Variants in TFAP2C observed in about 807,000 individuals in gnomAD.
The protein encoded by TFAP2C is activating enhancer-binding protein 2 gamma.
Under a neutral mutation model 42.9 loss-of-function variants are expected in TFAP2C, and 9 were observed. The observed-to-expected ratio is 0.21, with a 90% CI of 0.13 to 0.37. The LOEUF (loss-of-function observed/expected upper bound fraction) is 0.37. TFAP2C is among the 10% of genes least tolerant of loss of function. TFAP2C has a pLI of 1.00. For synonymous variants in TFAP2C, 264 were observed against 256.0 expected, an observed-to-expected ratio of 1.03 and a Z score of -0.30; for missense variants, 462 against 591.7, an observed-to-expected ratio of 0.78 and a Z score of 2.27.
Position 56,638,369 on chromosome 20 carries a change from T to C in TFAP2C, c.*356T>C, listed in dbSNP as rs555988383. ...GCCAACAGACCCACACACTTAGCCA[T>C]TGAAATGTCAAATTGATGTGCCCTA... On this transcript the variant is annotated 3_prime_UTR_variant, in exon 7 of 7. Transcript: ENST00000201031. The C allele has an allele frequency of 2.9e-5, 6 of 203,728 alleles. No homozygotes were observed. In the South Asian group the frequency reaches 3.6e-4, roughly 12 times the overall value. The allele number at this position is 203,728 out of a possible 1,614,324, so 12.6% of individuals were successfully genotyped here. A position where few individuals can be genotyped will look rare whatever the true frequency, so the allele number is the denominator to read the frequency against.
At chr20:56,634,339 A>G in intron 5 of TFAP2C, 71 bp downstream of exon 5, 1 of 1,084,616 alleles carries the variant, frequency 9.2e-7, no homozygotes, top group East Asian at 2.4e-5. Context: ...TTATTGCAGA[A>G]AAACTGGAAA....
Position 56,630,281 on chromosome 20 carries a change from G to T in TFAP2C, c.48+689G>T. The T allele has an allele frequency of 2.9e-6, 1 of 346,498 alleles. No homozygotes were observed. Among genetic ancestry groups the T allele is most frequent in the Non-Finnish European group, 5.9e-6 (1 of 168,898 alleles). 21.5% of individuals were successfully genotyped at this position (346,498 alleles called of 1,614,324 possible). The stretch of plus-strand genomic sequence containing the variant: ...GCGGAGCTCGGGCTACGGACTCGCG[G>T]GAGTTCACTGCGCCTCCGGGCCCTG... On this transcript the variant is annotated intron_variant, in intron 1 of 6. Coordinates refer to ENST00000201031, the MANE Select transcript of TFAP2C (RefSeq NM_003222.4). The surrounding 1 kb of genome is among the most constrained non-coding windows in gnomAD (Gnocchi z 5.1).
In TFAP2C at chr20:56,629,640, G is replaced by C; in HGVS notation, c.48+48G>C. The C allele has an allele frequency of 7.4e-7, 1 of 1,358,144 alleles. No homozygotes were observed. Among genetic ancestry groups the C allele is most frequent in the Non-Finnish European group, 9.5e-7 (1 of 1,049,652 alleles). The allele number at this position is 1,358,144 out of a possible 1,614,324, so 84.1% of individuals were successfully genotyped here. On this transcript the variant is annotated intron_variant, in intron 1 of 6. Coordinates refer to ENST00000201031, the MANE Select transcript of TFAP2C (RefSeq NM_003222.4). The surrounding 1 kb of genome is among the most constrained non-coding windows in gnomAD (Gnocchi z 5.9). ...AGCCCCGCCCCGCCGAGGACAGTCC[G>C]GGAGGCAGGGGCCACTGGACCGAGG... is the stretch of plus-strand genomic sequence containing the variant.
Position 56,631,136 on chromosome 20 carries a change from G to T in TFAP2C, c.49-69G>T. 2.0e-6 allele frequency: 3 copies of T among 1,464,570 alleles called. No homozygotes were observed. The highest frequency in any genetic ancestry group is 1.4e-5 in the South Asian group (1 of 69,864). 90.7% of individuals were successfully genotyped at this position (1,464,570 alleles called of 1,614,324 possible). A position where few individuals can be genotyped will look rare whatever the true frequency, so the allele number is the denominator to read the frequency against. ...CCCGGGGCCCTCTGCGTAGCCCGGCGATGCCGGCCAGTTCGCAGTAGCGGG... is the reference window on the plus strand; with the variant it reads ...CCCGGGGCCCTCTGCGTAGCCCGGCTATGCCGGCCAGTTCGCAGTAGCGGG... On this transcript the variant is annotated intron_variant, in intron 1 of 6. Transcript: ENST00000201031. The surrounding 1 kb of genome is among the most constrained non-coding windows in gnomAD (Gnocchi z 6.1).
chr20:56,638,807 C>CCT lies in TFAP2C; in HGVS notation c.*794_*795insCT, dbSNP rs1252859004. ...AAACTTGAAAAGGGTAGGCACGAAG[C>CCT]AATTTGTTGCTGCTTGTCACCCCCA... On this transcript the variant is annotated 3_prime_UTR_variant, in exon 7 of 7. Transcript: ENST00000201031. 6.6e-6 allele frequency: 1 copy of CCT among 152,350 alleles called. No homozygotes were observed. Among genetic ancestry groups the CCT allele is most frequent in the Non-Finnish European group, 1.5e-5 (1 of 68,022 alleles). The allele number at this position is 152,350 out of a possible 1,614,324, so 9.4% of individuals were successfully genotyped here.
At chr20:56,633,169 C>T (rs1280018217) in intron 3 of TFAP2C, among the ~76,000 whole-genome samples, 184 bp from the exon 4 acceptor site, 2 of 151,984 alleles carry the variant, frequency 1.3e-5, no homozygotes, top group Non-Finnish European at 1.5e-5. Context: ...TGCACTCCAG[C>T]CTGGGCCACA....
At position 56,629,375 on chromosome 20, in the gene TFAP2C, A is replaced by T; in HGVS notation, c.-170A>T. 1 of 479,266 alleles carries T rather than the reference A, an allele frequency of 2.1e-6. No homozygotes were observed. Among genetic ancestry groups the T allele is most frequent in the Non-Finnish European group, 3.4e-6 (1 of 292,306 alleles). The allele number at this position is 479,266 out of a possible 1,614,324, so 29.7% of individuals were successfully genotyped here. A position where few individuals can be genotyped will look rare whatever the true frequency, so the allele number is the denominator to read the frequency against. On this transcript the variant is annotated 5_prime_UTR_variant, in exon 1 of 7. Transcript: ENST00000201031. This position sits in a 1 kb window ranked among gnomAD's most constrained non-coding sequence, Gnocchi z 5.9. ...CTTGACACTCGCGGCGGCAGCATCTACGCTCGCAGAGCCGCCGATGCGTGT... is the reference window on the plus strand; with the variant it reads ...CTTGACACTCGCGGCGGCAGCATCTTCGCTCGCAGAGCCGCCGATGCGTGT...
intron 6 of TFAP2C, 66 bp downstream of exon 6, chr20:56,636,820 C>A: frequency 6.5e-7 from 1 of 1,529,578 alleles, no homozygotes; most frequent in Non-Finnish European, 8.8e-7. Context: ...AGAAGATTCC[C>A]CCTCCACAGT....
At position 56,631,237 on chromosome 20, in the gene TFAP2C, G is replaced by A; in HGVS notation, c.81G>A (p.Pro27=). Residue 27 remains proline (P), a synonymous_variant, in exon 2 of 7, where the codon CCG becomes CCA. Coordinates refer to ENST00000201031, the MANE Select transcript of TFAP2C (RefSeq NM_003222.4). The surrounding 1 kb of genome is among the most constrained non-coding windows in gnomAD (Gnocchi z 6.1). ...ACGACGGGAGCAGCAATGGGAATCC[G>A]CGGGTCCCCCACCTCTCCTCCGCCG... ...DRHDGSSNGN[P]RVPHLSSAGQ... is the part of the protein sequence containing the mutation. 6.4e-7 allele frequency: 1 copy of A among 1,558,992 alleles called. No individual in the cohort carries two copies. The highest frequency in any genetic ancestry group is 8.7e-7 in the Non-Finnish European group (1 of 1,153,964).
At chr20:56,637,092 T>A (rs1046959252) in intron 6 of TFAP2C, among the ~76,000 whole-genome samples, 1 of 152,202 alleles carries the variant, frequency 6.6e-6, no homozygotes, top group African/African-American at 2.4e-5. Context: ...AAAGAGAGAT[T>A]GTGTGCCTTC....
rs375252015 is a variant in TFAP2C, at chr20:56,635,556, A to G, written c.923-1054A>G. ...TCTGCCCCTTCAGTAAAAAGGCACT[A>G]TTAAAAAAAAAGTAAGCTGTCAGAT... On this transcript the variant is annotated intron_variant, in intron 5 of 6. Transcript: ENST00000201031. 5.3e-5 allele frequency among the ~76,000 whole-genome samples: 8 copies of G among 152,298 alleles called. No individual in the cohort carries two copies. The East Asian group carries it at 1.3e-3, about 26-fold the overall frequency.
At position 56,638,936 on chromosome 20, in the gene TFAP2C, G is replaced by T. The variant is rs141919939; in HGVS notation, c.*923G>T. The T allele has an allele frequency of 6.6e-6, 1 of 152,488 alleles. No individual in the cohort carries two copies. Among genetic ancestry groups the T allele is most frequent in the Non-Finnish European group, 1.5e-5 (1 of 68,018 alleles). 9.4% of individuals were successfully genotyped at this position (152,488 alleles called of 1,614,324 possible). ...CTGTAAATACTGGTGCACTTCTTACGACTTTTTTGAGACATGGGATCCAAT... is the reference window on the plus strand; with the variant it reads ...CTGTAAATACTGGTGCACTTCTTACTACTTTTTTGAGACATGGGATCCAAT... On this transcript the variant is annotated 3_prime_UTR_variant, in exon 7 of 7. Coordinates refer to ENST00000201031, the MANE Select transcript of TFAP2C (RefSeq NM_003222.4).
At position 56,630,324 on chromosome 20, in the gene TFAP2C, G is replaced by T. The variant is rs1987462958; in HGVS notation, c.48+732G>T. On this transcript the variant is annotated intron_variant, in intron 1 of 6. Transcript: ENST00000201031. This position sits in a 1 kb window ranked among gnomAD's most constrained non-coding sequence, Gnocchi z 5.1. The stretch of plus-strand genomic sequence containing the variant: ...GGGCCCTGGAGGGCTGCCCCTGCCC[G>T]CAGGCCCGGGCGCTTCCGCCAGGAG... The T allele has an allele frequency of 2.4e-6, 1 of 421,478 alleles. No homozygotes were observed. 26.1% of individuals were successfully genotyped at this position (421,478 alleles called of 1,614,324 possible). A position where few individuals can be genotyped will look rare whatever the true frequency, so the allele number is the denominator to read the frequency against.
chr20:56,635,333 G>A (rs1568752906), intron 5 of TFAP2C, among the ~76,000 whole-genome samples: 1 of 152,120 alleles, frequency 6.6e-6, no homozygotes, highest in Admixed American at 6.6e-5. Flanking sequence ...AACCCAGGGG[G>A]CCCCTCCACC....
rs1987461667 is a variant in TFAP2C, at chr20:56,630,275, C to T, written c.48+683C>T. Reference sequence around the variant, plus strand: ...GGGAGCGCGGAGCTCGGGCTACGGACTCGCGGGAGTTCACTGCGCCTCCGG... The same window carrying T: ...GGGAGCGCGGAGCTCGGGCTACGGATTCGCGGGAGTTCACTGCGCCTCCGG... On this transcript the variant is annotated intron_variant, in intron 1 of 6. Transcript: ENST00000201031. This position sits in a 1 kb window ranked among gnomAD's most constrained non-coding sequence, Gnocchi z 5.1. 1 of 338,768 alleles carries T rather than the reference C, an allele frequency of 3.0e-6. No homozygotes were observed. Among genetic ancestry groups the T allele is most frequent in the Non-Finnish European group, 6.0e-6 (1 of 165,432 alleles). 21.0% of individuals were successfully genotyped at this position (338,768 alleles called of 1,614,324 possible). A position where few individuals can be genotyped will look rare whatever the true frequency, so the allele number is the denominator to read the frequency against.
Position 56,631,492 on chromosome 20 carries a change from G to T in TFAP2C, c.336G>T (p.Ala112=). The T allele has an allele frequency of 3.3e-6, 5 of 1,507,382 alleles. No homozygotes were observed. The Admixed American group carries it at 6.8e-5, about 20-fold the overall frequency. The allele number at this position is 1,507,382 out of a possible 1,614,324, so 93.4% of individuals were successfully genotyped here. Residue 112 remains alanine (A), a synonymous_variant, in exon 2 of 7, where the codon GCG becomes GCT. Transcript: ENST00000201031. This position sits in a 1 kb window ranked among gnomAD's most constrained non-coding sequence, Gnocchi z 6.1. The part of the protein sequence containing the change: ...AWPGRQSQEG[A]GLPSHHGRPA... ...CCGGCCGCCAGAGCCAGGAGGGAGCGGGGCTGCCCTCGCACCACGGGCGCC... is the reference window on the plus strand; with the variant it reads ...CCGGCCGCCAGAGCCAGGAGGGAGCTGGGCTGCCCTCGCACCACGGGCGCC...
intron 3 of TFAP2C, among the ~76,000 whole-genome samples, chr20:56,632,095 CCA>C (rs1987504361): frequency 6.6e-6 from 1 of 152,148 alleles, no homozygotes; most frequent in Admixed American, 6.5e-5. Flanking sequence ...GGAAAAATGT[CCA>C]TGAATTCCAG....
Position 56,630,383 on chromosome 20 carries a change from C to A in TFAP2C, c.48+791C>A, listed in dbSNP as rs907969618. ...GCCATGTTCCTCCAGGTTCCCGGCG[C>A]CCCGAGACCCCTGGGCAGATGGGGA... On this transcript the variant is annotated intron_variant, in intron 1 of 6. Transcript: ENST00000201031. This position sits in a 1 kb window ranked among gnomAD's most constrained non-coding sequence, Gnocchi z 5.1. The A allele has an allele frequency of 2.2e-6, 1 of 462,190 alleles. No individual in the cohort carries two copies. The highest frequency in any genetic ancestry group is 4.5e-6 in the Non-Finnish European group (1 of 223,586). 28.6% of individuals were successfully genotyped at this position (462,190 alleles called of 1,614,324 possible).
At chr20:56,634,083 T>C in intron 4 of TFAP2C, 67 bp from the exon 5 acceptor site, 1 of 1,069,440 alleles carries the variant, frequency 9.4e-7, no homozygotes, top group Non-Finnish European at 1.4e-6. Flanking sequence ...TTTAGAATTT[T>C]TAAAGTGTGC....
Sources: gnomAD v4.1 joint callset for allele counts (sites outside exome capture counted in the v4.1 genomes callset) on GRCh38, gnomAD v4.1.1 for gene constraint, Gnocchi (gnomAD v3.1) non-coding constraint, MANE v1.5 for transcripts, NCBI Gene and HGNC (gene_info 2026-07-23, HGNC 2026-07-21) for gene names.